RASAL2: variants seen among roughly 807,000 people sequenced by gnomAD.
The protein encoded by RASAL2 is RAS protein activator like 2, also known as ras GTPase-activating protein nGAP.
In RASAL2, 58 loss-of-function variants were observed where a neutral mutation model predicts 128.9. That is an observed-to-expected ratio of 0.45 (90% CI 0.36 to 0.56). The LOEUF is 0.56. RASAL2 is among the 20% of genes least tolerant of loss of function. The pLI is 0.00. For synonymous variants in RASAL2, 561 were observed against 580.8 expected, an observed-to-expected ratio of 0.97 and a Z score of 0.49; for missense variants, 1,360 against 1,601.6, an observed-to-expected ratio of 0.85 and a Z score of 2.57.
intron 1 of RASAL2, among the ~76,000 whole-genome samples, chr1:178,178,679 A>G (rs981267093): frequency 1.3e-5 from 2 of 152,154 alleles, no homozygotes; most frequent in African/African-American, 4.8e-5. Context: ...GTACTCAAAC[A>G]GTTTGTTTTT....
At chr1:178,107,615 A>G (rs576548448) in intron 1 of RASAL2, among the ~76,000 whole-genome samples, 4 of 152,274 alleles carry the variant, frequency 2.6e-5, no homozygotes, top group South Asian at 4.1e-4. Flanking sequence ...CCATTAAACA[A>G]TGACTCTCCC....
chr1:178,454,523 CT>C lies in RASAL2; in HGVS notation c.2090del (p.Leu697TrpfsTer35). Reference protein sequence around the residue: ...EHEWGGMKRFLLEISNPDTIS... With the variant: ...EHEWGGMKRFXLEISNPDTIS... The stretch of plus-strand genomic sequence containing the variant: ...TGAATGGGGTGGAATGAAGCGCTTT[CT>C]TTTGGAGATCTCTAATCCAGACACC... On this transcript the variant is annotated frameshift_variant, in exon 12 of 18. Coordinates refer to ENST00000367649, the MANE Select transcript of RASAL2 (RefSeq NM_170692.4). LOFTEE classifies it high-confidence loss of function. 6.2e-7 allele frequency: 1 copy of C among 1,613,680 alleles called. No individual in the cohort carries two copies. Among genetic ancestry groups the C allele is most frequent in the Non-Finnish European group, 8.5e-7 (1 of 1,179,648 alleles).
At chr1:178,307,814 A>G (rs2102292687) in intron 3 of RASAL2, among the ~76,000 whole-genome samples, 1 of 152,364 alleles carries the variant, frequency 6.6e-6, no homozygotes, top group East Asian at 1.9e-4. Context: ...GGTAAAGTTC[A>G]TGTTTTCATG....
chr1:178,342,306 A>G (rs575992043), intron 3 of RASAL2, among the ~76,000 whole-genome samples: 1 of 152,344 alleles, frequency 6.6e-6, no homozygotes, highest in East Asian at 1.9e-4. Flanking sequence ...GGTCAGAATT[A>G]GGAACAGAAT....
intron 1 of RASAL2, among the ~76,000 whole-genome samples, chr1:178,239,144 T>C (rs1664385944): frequency 6.6e-6 from 1 of 152,136 alleles, no homozygotes; most frequent in African/African-American, 2.4e-5. Context: ...TCTATCTATG[T>C]TTTTAGATTT....
intron 1 of RASAL2, among the ~76,000 whole-genome samples, chr1:178,104,403 T>C (rs1659015659): frequency 6.6e-6 from 1 of 152,184 alleles, no homozygotes; most frequent in African/African-American, 2.4e-5. Context: ...CAATTTTTAA[T>C]GACTAACATT....
At position 178,474,298 on chromosome 1, in the gene RASAL2, A is replaced by T. The variant is rs950574041; in HGVS notation, c.*1059A>T. 1 of 152,754 alleles carries T rather than the reference A, an allele frequency of 6.5e-6. No individual in the cohort carries two copies. Among genetic ancestry groups the T allele is most frequent in the Middle Eastern group, 3.4e-3 (1 of 294 alleles). The allele number at this position is 152,754 out of a possible 1,614,324, so 9.5% of individuals were successfully genotyped here. On this transcript the variant is annotated 3_prime_UTR_variant, in exon 18 of 18. Transcript: ENST00000367649. ...AAAATTTTTTCTATGTGTTGTTATA[A>T]TTTTTGTTTGGGATAAAGACTCTAT...
intron 1 of RASAL2, among the ~76,000 whole-genome samples, chr1:178,252,638 GT>G (rs1269696316): frequency 6.6e-6 from 1 of 152,078 alleles, no homozygotes; most frequent in African/African-American, 2.4e-5. Context: ...TCAGAATACA[GT>G]TTTTGGCCTA....
intron 3 of RASAL2, among the ~76,000 whole-genome samples, chr1:178,327,590 A>G (rs1669096697): frequency 6.6e-6 from 1 of 152,042 alleles, no homozygotes; most frequent in Non-Finnish European, 1.5e-5. Context: ...GGGCTCAAGC[A>G]ATCTACCTGC....
At chr1:178,336,741 C>T (rs1182497939) in intron 3 of RASAL2, among the ~76,000 whole-genome samples, 1 of 152,002 alleles carries the variant, frequency 6.6e-6, no homozygotes, top group Admixed American at 6.5e-5. Flanking sequence ...ATATTACAGG[C>T]ACGTCCTTGG....
At position 178,094,469 on chromosome 1, in the gene RASAL2, G is replaced by A; in HGVS notation, c.-24G>A. On this transcript the variant is annotated 5_prime_UTR_variant, in exon 1 of 18. Transcript: ENST00000367649. Reference sequence around the variant, plus strand: ...CAGCCCGCCCCGAAGCCGCCGCCTCGTCCCCCTCCCGCCTCGGGGCACCAT... The same window carrying A: ...CAGCCCGCCCCGAAGCCGCCGCCTCATCCCCCTCCCGCCTCGGGGCACCAT... 6.5e-7 allele frequency: 1 copy of A among 1,529,560 alleles called. No individual in the cohort carries two copies. Among genetic ancestry groups the A allele is most frequent in the Non-Finnish European group, 8.8e-7 (1 of 1,138,764 alleles). The allele number at this position is 1,529,560 out of a possible 1,614,324, so 94.7% of individuals were successfully genotyped here. A position where few individuals can be genotyped will look rare whatever the true frequency, so the allele number is the denominator to read the frequency against.
intron 3 of RASAL2, among the ~76,000 whole-genome samples, chr1:178,385,720 T>A (rs1022870228): frequency 7.2e-5 from 11 of 152,172 alleles, no homozygotes; most frequent in Admixed American, 2.6e-4. Flanking sequence ...TATCTGAACA[T>A]GTCTGCCCCA....
chr1:178,183,355 T>G (rs1261437570), intron 1 of RASAL2, among the ~76,000 whole-genome samples: 1 of 152,230 alleles, frequency 6.6e-6, no homozygotes, highest in Non-Finnish European at 1.5e-5. Flanking sequence ...TCCTTTAAGA[T>G]TCACACTTTG....
intron 4 of RASAL2, among the ~76,000 whole-genome samples, chr1:178,413,202 C>T (rs756138898): frequency 2.0e-5 from 3 of 152,246 alleles, no homozygotes; most frequent in Non-Finnish European, 2.9e-5. Flanking sequence ...TCAGGTGATC[C>T]GCCTGCCTCA....
chr1:178,183,558 C>T (rs1176086101), intron 1 of RASAL2, among the ~76,000 whole-genome samples: 1 of 152,196 alleles, frequency 6.6e-6, no homozygotes, highest in Non-Finnish European at 1.5e-5. Flanking sequence ...TTTGCCTTTT[C>T]TGGAATATCA....
intron 14 of RASAL2, among the ~76,000 whole-genome samples, chr1:178,463,956 G>T (rs910119486): frequency 6.6e-6 from 1 of 152,106 alleles, no homozygotes; most frequent in Non-Finnish European, 1.5e-5. Context: ...ATTAATTTCA[G>T]CAGGCAATTT....
chr1:178,138,916 T>A (rs1218981163), intron 1 of RASAL2, among the ~76,000 whole-genome samples: 1 of 152,128 alleles, frequency 6.6e-6, no homozygotes, highest in Non-Finnish European at 1.5e-5. Context: ...TAACAGTGAT[T>A]GGCTGATTTA....
intron 9 of RASAL2, among the ~76,000 whole-genome samples, chr1:178,446,046 ACT>A (rs968173767): frequency 6.6e-6 from 1 of 152,014 alleles, no homozygotes; most frequent in Non-Finnish European, 1.5e-5. Context: ...TGCATGCAAA[ACT>A]CTAATCAAAA....
At chr1:178,290,649 C>T (rs1667235939) in intron 2 of RASAL2, among the ~76,000 whole-genome samples, 1 of 152,002 alleles carries the variant, frequency 6.6e-6, no homozygotes, top group South Asian at 2.1e-4. Flanking sequence ...AATTTTGCTT[C>T]AGTAAGTTTA....
Sources: allele counts gnomAD v4.1 joint callset (sites outside exome capture counted in the v4.1 genomes callset), GRCh38; gene constraint gnomAD v4.1.1; transcripts MANE v1.5; gene names NCBI Gene and HGNC (gene_info 2026-07-23, HGNC 2026-07-21).